RUFY2: variants seen among roughly 807,000 people sequenced by gnomAD.
RUFY2 encodes the protein RUN and FYVE domain containing 2.
In RUFY2, 49 loss-of-function variants were observed where a neutral mutation model predicts 94.4. The observed-to-expected ratio is 0.52, with a 90% CI of 0.41 to 0.66. RUFY2 has a LOEUF of 0.66. RUFY2 is among the 30% of genes least tolerant of loss of function. The pLI is 0.00. For missense variants in RUFY2, 541 were observed against 692.8 expected, an observed-to-expected ratio of 0.78 and a Z score of 2.46; for synonymous variants, 255 against 235.7, an observed-to-expected ratio of 1.08 and a Z score of -0.75.
chr10:68,404,907 C>A (rs2051149203), intron 1 of RUFY2, 63 bp from the exon 2 acceptor site: 3 of 1,326,032 alleles, frequency 2.3e-6, no homozygotes, highest in Non-Finnish European at 3.1e-6. Flanking sequence ...AATATACAAA[C>A]CATTCCCTTC....
At chr10:68,371,025 GGGAGGCTAA>G (rs1257451979) in intron 13 of RUFY2, among the ~76,000 whole-genome samples, 1 of 151,616 alleles carries the variant, frequency 6.6e-6, no homozygotes, top group African/African-American at 2.4e-5. Flanking sequence ...CCAGCTACTC[GGGAGGCTAA>G]GGCAGGAGAA....
Position 68,344,358 on chromosome 10 carries a change from T to A in RUFY2, c.*1410A>T, listed in dbSNP as rs935313586. 5 of 152,208 alleles carry A rather than the reference T, an allele frequency of 3.3e-5. No homozygotes were observed. Among genetic ancestry groups the A allele is most frequent in the African/African-American group, 1.2e-4 (5 of 41,438 alleles). The allele number at this position is 152,208 out of a possible 1,614,324, so 9.4% of individuals were successfully genotyped here. On this transcript the variant is annotated 3_prime_UTR_variant, in exon 18 of 18. Coordinates refer to ENST00000602465, the MANE Select transcript of RUFY2 (RefSeq NM_001330103.2). The stretch of plus-strand genomic sequence containing the variant: ...TATAATGCTCTTAATCCATAAATTT[T>A]CTATGTATTTTTTATAGGCTCACAA...
chr10:68,407,141 C>G, intron 1 of RUFY2, 45 bp downstream of exon 1: 1 of 1,509,362 alleles, frequency 6.6e-7, no homozygotes, highest in Middle Eastern at 1.9e-4. Flanking sequence ...GGCCCTCAGC[C>G]CGGGACTGAG....
chr10:68,389,873 G>A (rs751982574), intron 7 of RUFY2, among the ~76,000 whole-genome samples: 41 of 152,208 alleles, frequency 2.7e-4, no homozygotes, highest in Admixed American at 1.4e-3. Context: ...GGAGAGGGAA[G>A]AGATATGAGA....
chr10:68,394,740 C>T (rs1056308985), intron 4 of RUFY2, among the ~76,000 whole-genome samples: 1 of 151,752 alleles, frequency 6.6e-6, no homozygotes, highest in African/African-American at 2.4e-5. Context: ...CACCATTTTC[C>T]TGCCTCAGCC....
intron 16 of RUFY2, among the ~76,000 whole-genome samples, chr10:68,347,278 CTTTTTTTTTTTT>C (rs66465620): frequency 1.2e-5 from 1 of 86,510 alleles, no homozygotes; most frequent in East Asian, 4.2e-4. Flanking sequence ...CAACTTGACC[CTTTTTTTTTTTT>C]TTTTTTTTTT....
intron 11 of RUFY2, among the ~76,000 whole-genome samples, chr10:68,379,760 A>T (rs115950949): frequency 0.04 from 6,048 of 151,876 alleles, 393 homozygotes; most frequent in African/African-American, 0.14. Flanking sequence ...AAATGAACAG[A>T]GTTACTTTAT....
chr10:68,351,496 C>A (rs376950813), intron 16 of RUFY2, among the ~76,000 whole-genome samples: 21 of 138,626 alleles, frequency 1.5e-4, no homozygotes, highest in East Asian at 1.5e-3. Flanking sequence ...GTCGCCCAGG[C>A]GGGAGTGCAG....
At chr10:68,376,442 G>GTA (rs764172830) in intron 13 of RUFY2, among the ~76,000 whole-genome samples, 74 of 27,932 alleles carry the variant, frequency 2.6e-3, no homozygotes, top group Admixed American at 4.1e-3. Context: ...AAAAATGTGT[G>GTA]TATATATATA....
Position 68,344,177 on chromosome 10 carries a change from G to A in RUFY2, c.*1591C>T, listed in dbSNP as rs2046142251. ...AGCTGACTGGAAATTTACGGGTTTT[G>A]GAAAAAATAGATCTTCAAGTAAAAT... is the stretch of plus-strand genomic sequence containing the variant. On this transcript the variant is annotated 3_prime_UTR_variant, in exon 18 of 18. Coordinates refer to ENST00000602465, the MANE Select transcript of RUFY2 (RefSeq NM_001330103.2). 1 of 151,944 alleles carries A rather than the reference G, an allele frequency of 6.6e-6. No homozygotes were observed. The highest frequency in any genetic ancestry group is 1.5e-5 in the Non-Finnish European group (1 of 67,976). The allele number at this position is 151,944 out of a possible 1,614,324, so 9.4% of individuals were successfully genotyped here. A position where few individuals can be genotyped will look rare whatever the true frequency, so the allele number is the denominator to read the frequency against.
chr10:68,404,803 T>G lies in RUFY2; in HGVS notation c.46A>C (p.Asn16His). ...CCTTTGATACTCAGTTTAGCCATGT[T>G]TAACAAGTTTGCTCTCTCTACAGCT... is the stretch of plus-strand genomic sequence containing the variant. ...PTAVERANLL[N>H]MAKLSIKGLI... Residue 16 changes from asparagine to histidine, a missense_variant, in exon 2 of 18, where the codon AAC (asparagine) becomes CAC (histidine). Transcript: ENST00000602465. The G allele has an allele frequency of 6.2e-7, 1 of 1,612,624 alleles. No homozygotes were observed.
At chr10:68,395,065 C>T (rs968298901) in intron 4 of RUFY2, among the ~76,000 whole-genome samples, 2 of 151,496 alleles carry the variant, frequency 1.3e-5, no homozygotes, top group East Asian at 3.9e-4. Context: ...GCACGAGACA[C>T]GGTGGCTCAC....
At chr10:68,359,413 T>C (rs1024081502) in intron 15 of RUFY2, among the ~76,000 whole-genome samples, 5 of 147,546 alleles carry the variant, frequency 3.4e-5, no homozygotes, top group African/African-American at 9.9e-5. Context: ...TATATAAATA[T>C]GTGTGTATTG....
At chr10:68,396,707 T>C in intron 4 of RUFY2, 73 bp downstream of exon 4, 3 of 947,882 alleles carry the variant, frequency 3.2e-6, no homozygotes, top group Non-Finnish European at 4.9e-6. Flanking sequence ...TCATATTACA[T>C]CTTAAATCCT....
intron 13 of RUFY2, among the ~76,000 whole-genome samples, chr10:68,366,676 A>G (rs1381166934): frequency 1.4e-5 from 2 of 147,968 alleles, no homozygotes; most frequent in East Asian, 3.9e-4. Context: ...TTGGAGGTAG[A>G]GGTTGCAGTG....
At position 68,345,603 on chromosome 10, in the gene RUFY2, G is replaced by A; in HGVS notation, c.*165C>T. The A allele has an allele frequency of 1.8e-6, 1 of 551,972 alleles. No homozygotes were observed. Among genetic ancestry groups the A allele is most frequent in the Non-Finnish European group, 3.1e-6 (1 of 321,578 alleles). The allele number at this position is 551,972 out of a possible 1,614,324, so 34.2% of individuals were successfully genotyped here. ...ATACATTTTGAAAAACAATGGGGAA[G>A]GAAATATATAACTTGTAATTTCCAT... On this transcript the variant is annotated 3_prime_UTR_variant, in exon 18 of 18. Transcript: ENST00000602465.
At chr10:68,401,127 A>G (rs2050812509) in intron 3 of RUFY2, among the ~76,000 whole-genome samples, 1 of 152,250 alleles carries the variant, frequency 6.6e-6, no homozygotes, top group Non-Finnish European at 1.5e-5. Flanking sequence ...CATTTTACAT[A>G]CATTTGTCTG....
intron 16 of RUFY2, among the ~76,000 whole-genome samples, chr10:68,348,722 G>A (rs976478056): frequency 1.3e-5 from 2 of 152,084 alleles, no homozygotes; most frequent in Non-Finnish European, 2.9e-5. Context: ...ACTACCTGCC[G>A]CCCTCCCAGG....
At position 68,343,809 on chromosome 10, in the gene RUFY2, A is replaced by G. The variant is rs1162755; in HGVS notation, c.*1959T>C. On this transcript the variant is annotated 3_prime_UTR_variant, in exon 18 of 18. Transcript: ENST00000602465. Reference sequence around the variant, plus strand: ...CAAGTTGCTGTCATAAAAGCTGCCTAAAAAAAAAAAAAAAAAAAAAAAAAG... The same window carrying G: ...CAAGTTGCTGTCATAAAAGCTGCCTGAAAAAAAAAAAAAAAAAAAAAAAAG... The G allele has an allele frequency of 2.0e-5, 1 of 49,162 alleles. No homozygotes were observed. The highest frequency in any genetic ancestry group is 7.0e-5 in the African/African-American group (1 of 14,358). 3.0% of individuals were successfully genotyped at this position (49,162 alleles called of 1,614,324 possible). A position where few individuals can be genotyped will look rare whatever the true frequency, so the allele number is the denominator to read the frequency against.
Sources: allele counts gnomAD v4.1 joint callset (sites outside exome capture counted in the v4.1 genomes callset), GRCh38; gene constraint gnomAD v4.1.1; transcripts MANE v1.5; gene names NCBI Gene and HGNC (gene_info 2026-07-23, HGNC 2026-07-21).